Variants in ZNF385B observed in about 807,000 individuals in gnomAD.
The protein encoded by ZNF385B is zinc finger protein 533.
ZNF385B carries 23 observed loss-of-function variants against 39.2 expected under a neutral mutation model. That is an observed-to-expected ratio of 0.59 (90% CI 0.42 to 0.83). The LOEUF is 0.83. ZNF385B is among the 40% of genes least tolerant of loss of function. The probability of loss-of-function intolerance (pLI) is 0.00; values close to 1 mark genes in which losing one functional copy is unlikely to be tolerated. For synonymous variants in ZNF385B, 205 were observed against 222.6 expected (o/e 0.92, Z 0.70); for missense variants, 552 against 598.9 (o/e 0.92, Z 0.82).
At chr2:179,754,164 G>T (rs958125271) in intron 3 of ZNF385B, among the ~76,000 whole-genome samples, 1 of 152,124 alleles carries the variant, frequency 6.6e-6, no homozygotes, top group African/African-American at 2.4e-5. Flanking sequence ...TTTTGTCAAA[G>T]GCCTTTTCTG....
chr2:179,822,153 A>G (rs1220294177), intron 1 of ZNF385B, among the ~76,000 whole-genome samples: 1 of 152,190 alleles, frequency 6.6e-6, no homozygotes, highest in African/African-American at 2.4e-5. Context: ...TATTAAGGCA[A>G]TAAGTTAAAT....
intron 1 of ZNF385B, among the ~76,000 whole-genome samples, chr2:179,779,671 A>T (rs371166266): frequency 2.0e-5 from 3 of 152,198 alleles, no homozygotes; most frequent in African/African-American, 7.2e-5. Flanking sequence ...AATTCCAAAC[A>T]CTTGGAGAAG....
At chr2:179,503,702 C>G (rs1263644372) in intron 5 of ZNF385B, among the ~76,000 whole-genome samples, 1 of 151,922 alleles carries the variant, frequency 6.6e-6, no homozygotes, top group Admixed American at 6.6e-5. Flanking sequence ...TGTTCAATTC[C>G]CACCTATGAG....
At chr2:179,479,466 C>A (rs1230635579) in intron 6 of ZNF385B, among the ~76,000 whole-genome samples, 1 of 152,114 alleles carries the variant, frequency 6.6e-6, no homozygotes, top group East Asian at 1.9e-4. Context: ...GCCAAAATAG[C>A]AGGTAAGAGG....
At chr2:179,829,421 T>C (rs1707852119) in intron 1 of ZNF385B, among the ~76,000 whole-genome samples, 1 of 152,198 alleles carries the variant, frequency 6.6e-6, no homozygotes, top group Admixed American at 6.5e-5. Flanking sequence ...TAACTCAAAA[T>C]TGATCATAGA....
chr2:179,630,428 A>T (rs1271079758), intron 3 of ZNF385B, among the ~76,000 whole-genome samples: 2 of 152,216 alleles, frequency 1.3e-5, no homozygotes, highest in Non-Finnish European at 2.9e-5. Context: ...CAGCTGAGGG[A>T]CCTGACTATT....
At chr2:179,476,100 G>A (rs1275674591) in intron 6 of ZNF385B, among the ~76,000 whole-genome samples, 3 of 149,648 alleles carry the variant, frequency 2.0e-5, no homozygotes, top group East Asian at 2.0e-4. Context: ...GAATATACAC[G>A]TATTTATTGA....
At chr2:179,748,655 A>G (rs1330396683) in intron 3 of ZNF385B, among the ~76,000 whole-genome samples, 2 of 152,324 alleles carry the variant, frequency 1.3e-5, no homozygotes, top group Non-Finnish European at 2.9e-5. Context: ...ATCAAGAGCC[A>G]ACTGTTTAGT....
At chr2:179,769,348 A>T (rs1373946045) in intron 3 of ZNF385B, among the ~76,000 whole-genome samples, 155 bp downstream of exon 3, 1 of 152,200 alleles carries the variant, frequency 6.6e-6, no homozygotes, top group Non-Finnish European at 1.5e-5. Flanking sequence ...AGAGGTGACA[A>T]ACAGCTCATG....
rs780051817 is a variant in ZNF385B at position 179,483,319 on chromosome 2, G to A, written c.668C>T (p.Pro223Leu). The A allele has an allele frequency of 1.6e-5, 26 of 1,613,758 alleles. No homozygotes were observed. Among genetic ancestry groups the A allele is most frequent in the Non-Finnish European group, 1.9e-5 (23 of 1,179,918 alleles). ...VPSKDSAKAN[P>L]SCSITPITGN... Reference sequence around the variant, plus strand: ...TGTGATTGGAGTGATGGAGCAGCTGGGATTAGCCTTTGCGCTGTCCTTGGA... The same window carrying A: ...TGTGATTGGAGTGATGGAGCAGCTGAGATTAGCCTTTGCGCTGTCCTTGGA... The change falls in exon 6 of 10, where the codon CCC becomes CTC. Residue 223 changes from proline to leucine, a missense_variant. Transcript: ENST00000410066.
At chr2:179,590,666 G>T (rs1574921121) in intron 3 of ZNF385B, among the ~76,000 whole-genome samples, 1 of 152,098 alleles carries the variant, frequency 6.6e-6, no homozygotes, top group African/African-American at 2.4e-5. Context: ...TGTGTGTCAA[G>T]GGAGGGACCT....
At chr2:179,833,086 CATGTAT>C (rs903368676) in intron 1 of ZNF385B, among the ~76,000 whole-genome samples, 1 of 151,940 alleles carries the variant, frequency 6.6e-6, no homozygotes, top group African/African-American at 2.4e-5. Flanking sequence ...TGTGTATGTA[CATGTAT>C]ATGTGTGTAT....
chr2:179,806,003 G>T (rs357715), intron 1 of ZNF385B, among the ~76,000 whole-genome samples: 2,054 of 152,174 alleles, frequency 0.013, 44 homozygotes, highest in African/African-American at 0.047. Flanking sequence ...TAATAGCTTG[G>T]CTTACAGGGA....
chr2:179,840,789 C>T (rs919012766), intron 1 of ZNF385B, among the ~76,000 whole-genome samples: 1 of 152,164 alleles, frequency 6.6e-6, no homozygotes, highest in Non-Finnish European at 1.5e-5. Flanking sequence ...TTGATAAAGG[C>T]CACATTTATC....
intron 3 of ZNF385B, among the ~76,000 whole-genome samples, chr2:179,638,576 G>T (rs942924022): frequency 2.0e-5 from 3 of 152,058 alleles, no homozygotes; most frequent in Admixed American, 2.0e-4. Context: ...TGAAATTGAG[G>T]GTAGCAGTAT....
chr2:179,795,475 C>A (rs1369725267), intron 1 of ZNF385B, among the ~76,000 whole-genome samples: 1 of 152,036 alleles, frequency 6.6e-6, no homozygotes, highest in Non-Finnish European at 1.5e-5. Context: ...TATGGGTGCA[C>A]TGTGGTGTGT....
chr2:179,648,091 A>T (rs1692887112), intron 3 of ZNF385B, among the ~76,000 whole-genome samples: 1 of 151,990 alleles, frequency 6.6e-6, no homozygotes, highest in Admixed American at 6.6e-5. Context: ...GGGCAACCCG[A>T]GTGGAGTGAG....
chr2:179,527,830 A>C (rs1357571045), intron 4 of ZNF385B, among the ~76,000 whole-genome samples: 1 of 152,206 alleles, frequency 6.6e-6, no homozygotes, highest in Non-Finnish European at 1.5e-5. Flanking sequence ...AGCTTGACAT[A>C]CAGTGGAGAA....
chr2:179,793,827 G>A (rs188198126), intron 1 of ZNF385B, among the ~76,000 whole-genome samples: 131 of 152,302 alleles, frequency 8.6e-4, no homozygotes, highest in Middle Eastern at 6.8e-3. Context: ...GAGTTGGCAG[G>A]GAGGAGAGGA....
Sources: gnomAD v4.1 joint callset for allele counts (sites outside exome capture counted in the v4.1 genomes callset) on GRCh38, gnomAD v4.1.1 for gene constraint, MANE v1.5 for transcripts, NCBI Gene and HGNC (gene_info 2026-07-23, HGNC 2026-07-21) for gene names.